The following TRPM3 variants were observed in gnomAD, a reference collection of about 807,000 sequenced individuals.
TRPM3 encodes long transient receptor potential channel 3.
A neutral mutation model predicts 181.2 loss-of-function variants in TRPM3; 77 were observed. The ratio of observed to expected loss-of-function variants is 0.42; its 90% CI spans 0.35 to 0.51. TRPM3 has a LOEUF of 0.51. Ranked by LOEUF, TRPM3 falls within the 20% of genes least tolerant of loss-of-function variation. TRPM3 has a pLI of 0.01. For synonymous variants in TRPM3, 745 were observed against 796.4 expected (o/e 0.94, Z 1.09); for missense variants, 1,759 against 2,196.7 (o/e 0.80, Z 3.98).
In TRPM3 at chr9:71,042,024, C is replaced by G. The variant is rs371807893; in HGVS notation, c.177+79154G>C. On this transcript the variant is annotated intron_variant, in intron 1 of 25. Transcript: ENST00000677713. Reference sequence around the variant, plus strand: ...CTAGATGCTAATCAATACATACACACACACAGAACCTAATTTAATCCATCC... The same window carrying G: ...CTAGATGCTAATCAATACATACACAGACACAGAACCTAATTTAATCCATCC... 2.0e-5 allele frequency among the ~76,000 whole-genome samples: 3 copies of G among 152,228 alleles called. No homozygotes were observed. The East Asian group carries it at 5.8e-4, about 29-fold the overall frequency.
chr9:70,583,849 C>G (rs979567556), intron 22 of TRPM3, among the ~76,000 whole-genome samples: 2 of 152,196 alleles, frequency 1.3e-5, no homozygotes, highest in East Asian at 3.9e-4. Flanking sequence ...CTAAGTTACT[C>G]TCACCGTACT....
intron 1 of TRPM3, among the ~76,000 whole-genome samples, chr9:71,371,063 GAAA>G (rs35238336): frequency 6.8e-6 from 1 of 146,634 alleles, no homozygotes; most frequent in Non-Finnish European, 1.5e-5. Flanking sequence ...CTACTTCTGA[GAAA>G]AAAAAAAAAG....
At chr9:71,009,221 A>G (rs2097710427) in intron 1 of TRPM3, among the ~76,000 whole-genome samples, 1 of 152,184 alleles carries the variant, frequency 6.6e-6, no homozygotes, top group Non-Finnish European at 1.5e-5. Context: ...TAGCCAGAGT[A>G]ATTAGTCAAG....
intron 22 of TRPM3, among the ~76,000 whole-genome samples, chr9:70,587,674 A>T (rs1418413965): frequency 1.3e-5 from 2 of 152,196 alleles, no homozygotes; most frequent in African/African-American, 4.8e-5. Flanking sequence ...GCCATGCCAC[A>T]TGGGTCACAC....
intron 9 of TRPM3, among the ~76,000 whole-genome samples, chr9:70,677,442 C>CCTTTACTGAAT (rs755859168): frequency 2.0e-4 from 30 of 152,238 alleles, no homozygotes; most frequent in Non-Finnish European, 4.0e-4. Flanking sequence ...GTAAAGCTGG[C>CCTTTACTGAAT]TCATCCTTGA....
At chr9:71,047,911 C>A (rs1383001238) in intron 1 of TRPM3, among the ~76,000 whole-genome samples, 2 of 151,916 alleles carry the variant, frequency 1.3e-5, no homozygotes, top group South Asian at 4.1e-4. Context: ...GTCTTTGATT[C>A]TCTCATTTAC....
At chr9:71,383,699 A>G (rs2132889391) in intron 1 of TRPM3, among the ~76,000 whole-genome samples, 1 of 152,316 alleles carries the variant, frequency 6.6e-6, no homozygotes, top group East Asian at 1.9e-4. Flanking sequence ...ATAGTTTTGT[A>G]AGTTGTACAT....
chr9:71,389,495 G>A (rs2093008974), intron 1 of TRPM3, among the ~76,000 whole-genome samples: 1 of 152,036 alleles, frequency 6.6e-6, no homozygotes. Context: ...CTACCCAGAG[G>A]AAAAGAAGTC....
chr9:70,969,751 TG>T (rs2097219872), intron 1 of TRPM3, among the ~76,000 whole-genome samples: 1 of 101,332 alleles, frequency 9.9e-6, no homozygotes, highest in Non-Finnish European at 2.0e-5. Context: ...GAAGACTGAA[TG>T]ATTTTATATA....
chr9:71,044,383 T>G (rs540946834), intron 1 of TRPM3, among the ~76,000 whole-genome samples: 1 of 152,354 alleles, frequency 6.6e-6, no homozygotes, highest in East Asian at 1.9e-4. Flanking sequence ...TGGTTTTCAT[T>G]CACTCCATGA....
intron 1 of TRPM3, among the ~76,000 whole-genome samples, chr9:71,133,998 TGTGTGTGTGTGTGTGTGCGCGTGCGC>T (rs772625639): frequency 1.6e-3 from 218 of 140,432 alleles, no homozygotes; most frequent in Non-Finnish European, 1.9e-3. Context: ...TGTGTGTGTG[TGTGTGTGTGTGTGTGTGCGCGTGCGC>T]GCGCGCGCGT....
chr9:70,770,193 G>A (rs1020314404), intron 7 of TRPM3, among the ~76,000 whole-genome samples: 3 of 152,114 alleles, frequency 2.0e-5, no homozygotes, highest in African/African-American at 7.2e-5. Flanking sequence ...ATTGCTTGAG[G>A]CCAGGAATTC....
intron 6 of TRPM3, among the ~76,000 whole-genome samples, chr9:70,790,016 A>G (rs553452086): frequency 3.9e-5 from 6 of 152,222 alleles, no homozygotes; most frequent in Admixed American, 6.5e-5. Flanking sequence ...CTCTTTATTA[A>G]CAGCAATTAA....
chr9:70,662,396 A>C (rs1456767695), intron 9 of TRPM3, among the ~76,000 whole-genome samples: 1 of 152,114 alleles, frequency 6.6e-6, no homozygotes, highest in East Asian at 1.9e-4. Flanking sequence ...CCAAAAGCAA[A>C]TGCAACAAAA....
intron 1 of TRPM3, among the ~76,000 whole-genome samples, chr9:71,080,851 C>G (rs184084559): frequency 6.6e-6 from 1 of 152,180 alleles, no homozygotes; most frequent in Non-Finnish European, 1.5e-5. Context: ...GCATCAGGCC[C>G]GGTAAATTAT....
At chr9:71,211,412 A>G (rs2079498096) in intron 1 of TRPM3, among the ~76,000 whole-genome samples, 2 of 148,846 alleles carry the variant, frequency 1.3e-5, no homozygotes, top group African/African-American at 5.0e-5. Context: ...TGGGTCCTGT[A>G]CTAAAGACAG....
At chr9:71,064,633 A>G (rs919185372) in intron 1 of TRPM3, among the ~76,000 whole-genome samples, 1 of 152,138 alleles carries the variant, frequency 6.6e-6, no homozygotes, top group Non-Finnish European at 1.5e-5. Context: ...TGCATGAATT[A>G]TAAGAGTGGT....
intron 1 of TRPM3, among the ~76,000 whole-genome samples, chr9:71,399,171 G>C (rs1464795573): frequency 6.6e-6 from 1 of 152,210 alleles, no homozygotes; most frequent in South Asian, 2.1e-4. Context: ...AGGAGACTAA[G>C]ATAGTATAAT....
At chr9:71,112,572 C>G (rs2071359817) in intron 1 of TRPM3, among the ~76,000 whole-genome samples, 1 of 152,094 alleles carries the variant, frequency 6.6e-6, no homozygotes. Flanking sequence ...GAACACTAAT[C>G]AAAAACATAG....
Sources: allele counts gnomAD v4.1 joint callset (sites outside exome capture counted in the v4.1 genomes callset), GRCh38; gene constraint gnomAD v4.1.1; transcripts MANE v1.5; gene names NCBI Gene and HGNC (gene_info 2026-07-23, HGNC 2026-07-21).